Variants in ERC1 observed in about 807,000 individuals in gnomAD.
The protein encoded by ERC1 is ELKS/RAB6-interacting/CAST family member 1, also known as RAB6 interacting protein 2.
In ERC1, 56 loss-of-function variants were observed where a neutral mutation model predicts 132.0. The observed-to-expected ratio is 0.42, with a 90% confidence interval of 0.34 to 0.53. The LOEUF is 0.53. Ranked by LOEUF, ERC1 falls within the 20% of genes least tolerant of loss-of-function variation. The pLI, the probability that ERC1 is intolerant of heterozygous loss-of-function variation, is 0.03. For missense variants in ERC1, 1,202 were observed against 1,349.9 expected (o/e 0.89, Z 1.72); for synonymous variants, 478 against 476.1 (o/e 1.00, Z -0.05).
At chr12:1,317,535 G>C (rs1042130829) in intron 15 of ERC1, among the ~76,000 whole-genome samples, 11 of 152,110 alleles carry the variant, frequency 7.2e-5, no homozygotes, top group Non-Finnish European at 1.2e-4. Flanking sequence ...GTGTATCCCA[G>C]AACTTAAAGT....
intron 17 of ERC1, among the ~76,000 whole-genome samples, chr12:1,424,864 C>CGATCGATAGATAGATA (rs758310289): frequency 9.9e-6 from 1 of 100,950 alleles, no homozygotes; most frequent in Non-Finnish European, 2.1e-5. Context: ...ATAGATAGAT[C>CGATCGATAGATAGATA]GATAGATAGA....
At chr12:1,364,890 T>G (rs1449417436) in intron 15 of ERC1, among the ~76,000 whole-genome samples, 1 of 152,248 alleles carries the variant, frequency 6.6e-6, no homozygotes, top group African/African-American at 2.4e-5. Context: ...TTTCCAACTC[T>G]ACTTACTAAC....
chr12:1,228,807 G>T (rs1007154133), intron 12 of ERC1, among the ~76,000 whole-genome samples: 2 of 151,892 alleles, frequency 1.3e-5, no homozygotes, highest in Non-Finnish European at 2.9e-5. Context: ...CATTCTGTTA[G>T]TGTGGTGTAT....
chr12:1,011,954 A>G (rs1289072093), intron 1 of ERC1, among the ~76,000 whole-genome samples: 1 of 152,060 alleles, frequency 6.6e-6, no homozygotes, highest in Non-Finnish European at 1.5e-5. Context: ...AAAAAAAAAA[A>G]GCATATCCTT....
intron 13 of ERC1, among the ~76,000 whole-genome samples, chr12:1,261,089 ATT>A: frequency 6.6e-6 from 1 of 152,308 alleles, no homozygotes; most frequent in African/African-American, 2.4e-5. Flanking sequence ...ATTACTAATC[ATT>A]TTCTCCCTAA....
intron 1 of ERC1, among the ~76,000 whole-genome samples, chr12:1,023,692 A>G (rs1966696063): frequency 6.6e-6 from 1 of 152,196 alleles, no homozygotes; most frequent in Admixed American, 6.5e-5. Context: ...TAACATAGGG[A>G]TGAAGATCAG....
chr12:1,365,227 T>G (rs1031540131), intron 15 of ERC1, among the ~76,000 whole-genome samples: 15 of 152,180 alleles, frequency 9.9e-5, no homozygotes, highest in Non-Finnish European at 1.8e-4. Context: ...TTTCTTTAAA[T>G]GAAATGTAAG....
At chr12:1,407,939 G>T (rs539084212) in intron 16 of ERC1, among the ~76,000 whole-genome samples, 31 of 152,156 alleles carry the variant, frequency 2.0e-4, no homozygotes, top group African/African-American at 7.5e-4. Flanking sequence ...GGGTTTAGGG[G>T]TTCTACATAT....
chr12:1,209,722 A>T (rs74057292), intron 12 of ERC1, among the ~76,000 whole-genome samples: 1 of 152,154 alleles, frequency 6.6e-6, no homozygotes, highest in Non-Finnish European at 1.5e-5. Flanking sequence ...CTACCTTTCG[A>T]AAAGCTCCCA....
At position 1,363,748 on chromosome 12, in the gene ERC1, G is replaced by T. The variant is rs528019712; in HGVS notation, c.2781-8085G>T. Among the ~76,000 whole-genome samples, 11 of 151,574 alleles carry T rather than the reference G, an allele frequency of 7.3e-5. No homozygotes were observed. In the East Asian group the frequency reaches 2.1e-3, roughly 29 times the overall value. On this transcript the variant is annotated intron_variant, in intron 15 of 18. Coordinates refer to ENST00000360905, the MANE Select transcript of ERC1 (RefSeq NM_178040.4). ...TTTTTTTATTTTTTGCAGAGATGAGGTTCCACCATGTTGCGCAGGCTGGGC... is the reference window on the plus strand; with the variant it reads ...TTTTTTTATTTTTTGCAGAGATGAGTTTCCACCATGTTGCGCAGGCTGGGC...
chr12:1,410,034 T>C (rs1392446029), intron 17 of ERC1, among the ~76,000 whole-genome samples: 1 of 152,186 alleles, frequency 6.6e-6, no homozygotes, highest in Non-Finnish European at 1.5e-5. Context: ...AAATCATCTC[T>C]AGATTACTTG....
intron 3 of ERC1, among the ~76,000 whole-genome samples, chr12:1,091,950 A>G (rs1033922435): frequency 1.3e-5 from 2 of 151,786 alleles, no homozygotes; most frequent in African/African-American, 4.8e-5. Context: ...AAATTTCATT[A>G]GTTATTGAAT....
At chr12:1,066,996 C>T (rs1012589501) in intron 2 of ERC1, among the ~76,000 whole-genome samples, 10 of 151,998 alleles carry the variant, frequency 6.6e-5, no homozygotes, top group East Asian at 3.9e-4. Context: ...TTTATAGAGA[C>T]GGGGTTTTGC....
At chr12:1,212,375 G>T (rs1246245877) in intron 12 of ERC1, among the ~76,000 whole-genome samples, 2 of 152,064 alleles carry the variant, frequency 1.3e-5, no homozygotes, top group Non-Finnish European at 2.9e-5. Flanking sequence ...GGAAAGTTCA[G>T]ATACTGTTTT....
intron 2 of ERC1, among the ~76,000 whole-genome samples, chr12:1,074,827 T>G (rs925115125): frequency 7.9e-5 from 12 of 152,192 alleles, no homozygotes; most frequent in African/African-American, 2.9e-4. Flanking sequence ...TCATTCATTT[T>G]CTTGACTCTG....
chr12:1,054,416 G>C (rs535606782), intron 2 of ERC1, among the ~76,000 whole-genome samples: 16 of 151,960 alleles, frequency 1.1e-4, no homozygotes, highest in Admixed American at 5.9e-4. Flanking sequence ...CATTTCACTA[G>C]GATTCTTCCC....
intron 11 of ERC1, among the ~76,000 whole-genome samples, chr12:1,186,841 A>T (rs1323833169): frequency 6.6e-6 from 1 of 152,060 alleles, no homozygotes; most frequent in Non-Finnish European, 1.5e-5. Flanking sequence ...ATCTTCATTT[A>T]TTTTTTTGTG....
Position 1,408,257 on chromosome 12 carries a change from C to G in ERC1, c.3024+10C>G, listed in dbSNP as rs1565373002. 6.3e-7 allele frequency: 1 copy of G among 1,595,552 alleles called. No individual in the cohort carries two copies. The highest frequency in any genetic ancestry group is 1.7e-5 in the Admixed American group (1 of 58,936). Reference sequence around the variant, plus strand: ...GCCCTCCCCAGACCAGGTAAGATGGCTCTGGAATGTTTTATTAAAAAACCC... The same window carrying G: ...GCCCTCCCCAGACCAGGTAAGATGGGTCTGGAATGTTTTATTAAAAAACCC... On this transcript the variant is annotated intron_variant, in intron 17 of 18. Transcript: ENST00000360905.
intron 10 of ERC1, 111 bp from the exon 11 acceptor site, chr12:1,183,170 T>A: frequency 1.8e-6 from 1 of 568,830 alleles, no homozygotes; most frequent in Non-Finnish European, 2.9e-6. Context: ...AATGGGAGTA[T>A]GTCAGCATTT....
Sources: allele counts gnomAD v4.1 joint callset (sites outside exome capture counted in the v4.1 genomes callset), GRCh38; gene constraint gnomAD v4.1.1; transcripts MANE v1.5; gene names NCBI Gene and HGNC (gene_info 2026-07-23, HGNC 2026-07-21).